The following EGFLAM variants were observed in gnomAD, a reference collection of about 807,000 sequenced individuals.
EGFLAM encodes the protein pikachurin.
EGFLAM carries 79 observed loss-of-function variants against 113.1 expected under a neutral mutation model. That is an observed-to-expected ratio of 0.70 (90% confidence interval 0.58 to 0.84). The LOEUF (loss-of-function observed/expected upper bound fraction) is 0.84, where lower values mean the gene tolerates loss of function less well. Ranked by LOEUF, EGFLAM falls within the 40% of genes least tolerant of loss-of-function variation. EGFLAM has a pLI of 0.00. For synonymous variants in EGFLAM, 504 were observed against 487.6 expected (o/e 1.03, Z -0.44); for missense variants, 1,265 against 1,291.6 (o/e 0.98, Z 0.32).
At chr5:38,438,138 A>C in intron 16 of EGFLAM, 137 bp from the exon 17 acceptor site, 1 of 783,158 alleles carries the variant, frequency 1.3e-6, no homozygotes, top group Non-Finnish European at 1.8e-6. Context: ...AAAAAAAAAA[A>C]AAGTGGAAAC....
At chr5:38,304,692 A>C (rs1300739980) in intron 1 of EGFLAM, among the ~76,000 whole-genome samples, 2 of 152,256 alleles carry the variant, frequency 1.3e-5, no homozygotes, top group Non-Finnish European at 2.9e-5. Flanking sequence ...ACACTTAAAT[A>C]TGAGCAGATA....
At chr5:38,370,522 A>ACCTGGCC in intron 6 of EGFLAM, 60 bp downstream of exon 6, 1 of 1,561,882 alleles carries the variant, frequency 6.4e-7, no homozygotes. Flanking sequence ...TTGCCTCATG[A>ACCTGGCC]AGACTCACTT....
intron 1 of EGFLAM, among the ~76,000 whole-genome samples, chr5:38,322,733 A>G (rs1738774966): frequency 6.6e-6 from 1 of 152,204 alleles, no homozygotes; most frequent in African/African-American, 2.4e-5. Flanking sequence ...TGGAGTGGCA[A>G]ACTACTCTTT....
At chr5:38,341,196 G>A (rs1021990713) in intron 3 of EGFLAM, among the ~76,000 whole-genome samples, 1 of 152,152 alleles carries the variant, frequency 6.6e-6, no homozygotes, top group Non-Finnish European at 1.5e-5. Flanking sequence ...TACTGTATTA[G>A]TCCGTTCTCA....
At chr5:38,378,628 G>T (rs1740427929) in intron 6 of EGFLAM, among the ~76,000 whole-genome samples, 1 of 152,132 alleles carries the variant, frequency 6.6e-6, no homozygotes, top group Non-Finnish European at 1.5e-5. Context: ...TTCAATCCAT[G>T]CCTATGAAAG....
At chr5:38,303,749 T>C (rs913698671) in intron 1 of EGFLAM, among the ~76,000 whole-genome samples, 1 of 152,174 alleles carries the variant, frequency 6.6e-6, no homozygotes, top group African/African-American at 2.4e-5. Flanking sequence ...AAAATTACTA[T>C]AAATGCTTTT....
At chr5:38,457,892 T>C (rs926399580) in intron 19 of EGFLAM, among the ~76,000 whole-genome samples, 2 of 151,438 alleles carry the variant, frequency 1.3e-5, no homozygotes, top group African/African-American at 4.9e-5. Context: ...ATGAGGTATG[T>C]AGAAGAATCA....
chr5:38,388,495 A>T (rs1158608025), intron 6 of EGFLAM, among the ~76,000 whole-genome samples: 2 of 152,034 alleles, frequency 1.3e-5, no homozygotes, highest in African/African-American at 4.8e-5. Context: ...CTGTAATCCT[A>T]CACTTTGGAA....
chr5:38,307,338 T>C (rs920718430), intron 1 of EGFLAM, among the ~76,000 whole-genome samples: 18 of 152,188 alleles, frequency 1.2e-4, no homozygotes, highest in Admixed American at 2.6e-4. Flanking sequence ...AGGGACCCAG[T>C]GGGAGGGAAT....
intron 13 of EGFLAM, among the ~76,000 whole-genome samples, chr5:38,426,642 G>A (rs1742018362): frequency 6.6e-6 from 1 of 152,144 alleles, no homozygotes; most frequent in Non-Finnish European, 1.5e-5. Context: ...ATCACTGCAG[G>A]TCAAAGATGG....
At chr5:38,269,518 C>G (rs928586642) in intron 1 of EGFLAM, among the ~76,000 whole-genome samples, 2 of 141,022 alleles carry the variant, frequency 1.4e-5, no homozygotes, top group African/African-American at 5.4e-5. Context: ...TAGACGGAGT[C>G]TTGCTCTGTT....
At chr5:38,422,106 C>T (rs1312612458) in intron 12 of EGFLAM, among the ~76,000 whole-genome samples, 1 of 152,014 alleles carries the variant, frequency 6.6e-6, no homozygotes, top group East Asian at 1.9e-4. Context: ...GGAAGTTTCT[C>T]CTTGTTCATG....
intron 6 of EGFLAM, among the ~76,000 whole-genome samples, chr5:38,400,487 A>G (rs956576009): frequency 4.6e-5 from 7 of 152,196 alleles, no homozygotes; most frequent in African/African-American, 1.7e-4. Flanking sequence ...ACCCCAGGCT[A>G]CAGGGAGAAT....
chr5:38,337,650 G>A (rs115153941), intron 2 of EGFLAM, 21 bp downstream of exon 2: 1 of 1,565,380 alleles, frequency 6.4e-7, no homozygotes, highest in Non-Finnish European at 8.7e-7. Flanking sequence ...GGGCATGGGA[G>A]TTTCCTCGGT....
chr5:38,434,393 C>A (rs1223255051), intron 15 of EGFLAM, among the ~76,000 whole-genome samples: 1 of 152,242 alleles, frequency 6.6e-6, no homozygotes, highest in African/African-American at 2.4e-5. Context: ...CCCTGCAGGG[C>A]AGGACTGGGT....
chr5:38,455,583 T>C (rs182882569), intron 19 of EGFLAM, among the ~76,000 whole-genome samples: 2 of 152,222 alleles, frequency 1.3e-5, no homozygotes, highest in African/African-American at 4.8e-5. Flanking sequence ...TCATTTATGA[T>C]TATATACACG....
chr5:38,388,684 T>TA (rs2078487217), intron 6 of EGFLAM, among the ~76,000 whole-genome samples: 1 of 149,856 alleles, frequency 6.7e-6, no homozygotes, highest in African/African-American at 2.5e-5. Flanking sequence ...TGCTTGAACC[T>TA]AGGAGGGAGA....
At chr5:38,263,307 C>A (rs1192735182) in intron 1 of EGFLAM, among the ~76,000 whole-genome samples, 3 of 152,012 alleles carry the variant, frequency 2.0e-5, no homozygotes, top group Non-Finnish European at 4.4e-5. Flanking sequence ...ACAAAAAATA[C>A]AAAAATTAGC....
intron 15 of EGFLAM, 98 bp downstream of exon 15, chr5:38,431,386 T>A (rs2112207856): frequency 1.7e-6 from 2 of 1,194,960 alleles, no homozygotes; most frequent in Non-Finnish European, 2.4e-6. Context: ...TCTGGTTAAC[T>A]ACATGGACTT....
Sources: allele counts gnomAD v4.1 joint callset (sites outside exome capture counted in the v4.1 genomes callset), GRCh38; gene constraint gnomAD v4.1.1; transcripts MANE v1.5; gene names NCBI Gene and HGNC (gene_info 2026-07-23, HGNC 2026-07-21).